PACSIN1: variants seen among roughly 807,000 people sequenced by gnomAD.
PACSIN1 encodes the protein protein kinase C and casein kinase substrate in neurons protein 1.
A neutral mutation model predicts 59.5 loss-of-function variants in PACSIN1; 15 were observed. The ratio of observed to expected loss-of-function variants is 0.25; its 90% CI spans 0.17 to 0.39. The LOEUF (loss-of-function observed/expected upper bound fraction) is 0.39, where lower values mean the gene tolerates loss of function less well. Among genes scored for constraint, PACSIN1 ranks in the 10% least tolerant of loss-of-function variants. The pLI is 1.00. For missense variants in PACSIN1, 420 were observed against 580.2 expected, an observed-to-expected ratio of 0.72 and a Z score of 2.84; for synonymous variants, 210 against 220.6, an observed-to-expected ratio of 0.95 and a Z score of 0.42.
rs1343090271 is a variant in PACSIN1 at position 34,527,315 on chromosome 6, C to T, written c.64-17C>T. ...GCTGGGAACCCGCGGGAGTGGTGCT[C>T]GCTGCTTGGCCGCCAGGTGGGGAAC... On this transcript the variant is annotated splice_polypyrimidine_tract_variant and intron_variant, in intron 2 of 9. Coordinates refer to ENST00000244458, the MANE Select transcript of PACSIN1 (RefSeq NM_020804.5). 2.6e-6 allele frequency: 4 copies of T among 1,536,404 alleles called. No individual in the cohort carries two copies. In the African/African-American group the frequency reaches 4.2e-5, roughly 16 times the overall value.
At chr6:34,513,211 G>C (rs1420049035) in intron 1 of PACSIN1, among the ~76,000 whole-genome samples, 1 of 152,230 alleles carries the variant, frequency 6.6e-6, no homozygotes, top group Admixed American at 6.5e-5. Flanking sequence ...TCTAATACTG[G>C]AATGCTTCAT....
At chr6:34,483,302 G>A (rs564517787) in intron 1 of PACSIN1, among the ~76,000 whole-genome samples, 1 of 152,218 alleles carries the variant, frequency 6.6e-6, no homozygotes, top group East Asian at 1.9e-4. Flanking sequence ...CACCACGCCC[G>A]GCCCAGACTT....
At chr6:34,517,889 C>A (rs1245751081) in intron 1 of PACSIN1, among the ~76,000 whole-genome samples, 1 of 152,210 alleles carries the variant, frequency 6.6e-6, no homozygotes, top group East Asian at 1.9e-4. Context: ...TTGTTCACTG[C>A]TGTAGCCCAG....
At chr6:34,479,819 A>T (rs543109848) in intron 1 of PACSIN1, among the ~76,000 whole-genome samples, 2 of 149,864 alleles carry the variant, frequency 1.3e-5, no homozygotes, top group Non-Finnish European at 3.0e-5. Context: ...TTTTATTTTT[A>T]ATTTTATTAT....
intron 1 of PACSIN1, among the ~76,000 whole-genome samples, chr6:34,483,590 C>A (rs1004601264): frequency 5.4e-5 from 8 of 148,058 alleles, no homozygotes; most frequent in African/African-American, 2.0e-4. Context: ...TGGTTTCTGG[C>A]GCCTGGCTCT....
Position 34,528,717 on chromosome 6 carries a change from A to C in PACSIN1, c.296A>C (p.Gln99Pro). 6.2e-7 allele frequency: 1 copy of C among 1,614,126 alleles called. No individual in the cohort carries two copies. The highest frequency in any genetic ancestry group is 8.5e-7 in the Non-Finnish European group (1 of 1,180,020). ...TEADKVSELHQEVKNNLLNED... is the reference protein window; with the variant it reads ...TEADKVSELHPEVKNNLLNED... The stretch of plus-strand genomic sequence containing the variant: ...GCAGACAAGGTGAGCGAGCTGCACC[A>C]GGAGGTGAAGAACAATCTGCTGAAT... The change falls in exon 4 of 10, where the codon CAG becomes CCG. Residue 99 changes from glutamine (Q) to proline (P), a missense_variant. Coordinates refer to ENST00000244458, the MANE Select transcript of PACSIN1 (RefSeq NM_020804.5).
intron 1 of PACSIN1, among the ~76,000 whole-genome samples, chr6:34,493,838 A>T (rs898263127): frequency 5.3e-5 from 8 of 152,208 alleles, no homozygotes; most frequent in Admixed American, 4.6e-4. Flanking sequence ...GATTCCAGCT[A>T]TCAGATGTGG....
intron 1 of PACSIN1, among the ~76,000 whole-genome samples, chr6:34,503,470 C>T (rs950964089): frequency 9.9e-5 from 15 of 152,112 alleles, no homozygotes; most frequent in African/African-American, 3.1e-4. Flanking sequence ...TCGTCAGCAC[C>T]GTTAGCCACA....
intron 1 of PACSIN1, among the ~76,000 whole-genome samples, chr6:34,507,699 C>T (rs896803339): frequency 1.3e-5 from 2 of 152,190 alleles, no homozygotes; most frequent in Non-Finnish European, 2.9e-5. Context: ...CGAATAGCAG[C>T]TCCCCATTTC....
chr6:34,510,534 C>T (rs1767185199), intron 1 of PACSIN1, among the ~76,000 whole-genome samples: 1 of 152,200 alleles, frequency 6.6e-6, no homozygotes, highest in Non-Finnish European at 1.5e-5. Flanking sequence ...TCAATGCGCT[C>T]AGCTTACTCC....
At chr6:34,511,337 G>A (rs2127263889) in intron 1 of PACSIN1, among the ~76,000 whole-genome samples, 1 of 152,316 alleles carries the variant, frequency 6.6e-6, no homozygotes, top group Non-Finnish European at 1.5e-5. Context: ...GATGTGGGAA[G>A]TCTGGGGTGG....
intron 1 of PACSIN1, among the ~76,000 whole-genome samples, chr6:34,522,059 G>A (rs192678097): frequency 1.3e-5 from 2 of 152,336 alleles, no homozygotes; most frequent in African/African-American, 4.8e-5. Flanking sequence ...AAGAAAAAGA[G>A]GAAGCCCCTC....
intron 1 of PACSIN1, among the ~76,000 whole-genome samples, chr6:34,485,831 G>A (rs1359324153): frequency 6.6e-6 from 1 of 152,188 alleles, no homozygotes; most frequent in Non-Finnish European, 1.5e-5. Flanking sequence ...TGCCAAGGAG[G>A]AGGATTGGAG....
chr6:34,502,912 T>C (rs985092838), intron 1 of PACSIN1, among the ~76,000 whole-genome samples: 1 of 152,138 alleles, frequency 6.6e-6, no homozygotes, highest in Non-Finnish European at 1.5e-5. Context: ...TAGGCAGCAA[T>C]AGACAACTGA....
rs539096027 is a variant in PACSIN1, at chr6:34,488,937, T to C, written c.-64+22667T>C. 1.3e-5 allele frequency among the ~76,000 whole-genome samples: 2 copies of C among 152,160 alleles called. No homozygotes were observed. Among genetic ancestry groups the C allele is most frequent in the African/African-American group, 4.8e-5 (2 of 41,538 alleles). On this transcript the variant is annotated intron_variant, in intron 1 of 9. Transcript: ENST00000244458. This position sits in a 1 kb window ranked among gnomAD's most constrained non-coding sequence, Gnocchi z 4.7. ...GGCTCACACCCGTAATCCTAATACT[T>C]TGGGAGGCCGAGGCAGGTGGATCAC...
chr6:34,528,874 G>A lies in PACSIN1; in HGVS notation c.453G>A (p.Lys151=), dbSNP rs371006157. ...KAQKPWAKKM[K]ELEAAKKAYH... is the part of the protein sequence containing the mutation. ...AGAAGCCTTGGGCCAAGAAGATGAA[G>A]GAGGTGCTCAGTGGGTGCTGCCACG... is the stretch of plus-strand genomic sequence containing the variant. The change falls in exon 4 of 10, where the codon AAG becomes AAA. Residue 151 remains lysine, a synonymous_variant. Coordinates refer to ENST00000244458, the MANE Select transcript of PACSIN1 (RefSeq NM_020804.5). The A allele has an allele frequency of 4.4e-6, 7 of 1,608,544 alleles. No homozygotes were observed. Among genetic ancestry groups the A allele is most frequent in the Non-Finnish European group, 5.1e-6 (6 of 1,177,348 alleles).
chr6:34,513,037 G>A (rs1307246380), intron 1 of PACSIN1, among the ~76,000 whole-genome samples: 1 of 152,138 alleles, frequency 6.6e-6, no homozygotes, highest in Non-Finnish European at 1.5e-5. Context: ...GAACCCACTA[G>A]CTCATCATCT....
intron 1 of PACSIN1, among the ~76,000 whole-genome samples, chr6:34,506,263 G>A (rs1287466745): frequency 6.6e-6 from 1 of 152,090 alleles, no homozygotes; most frequent in Non-Finnish European, 1.5e-5. Context: ...TGTTGCCCAG[G>A]CTGGAGTGCA....
intron 1 of PACSIN1, among the ~76,000 whole-genome samples, chr6:34,472,399 A>G (rs1766584595): frequency 6.7e-6 from 1 of 148,270 alleles, no homozygotes; most frequent in African/African-American, 2.5e-5. Context: ...CCTGATTGTG[A>G]TTAGAGCTTG....
Sources: gnomAD v4.1 joint callset for allele counts (sites outside exome capture counted in the v4.1 genomes callset) on GRCh38, gnomAD v4.1.1 for gene constraint, Gnocchi (gnomAD v3.1) non-coding constraint, MANE v1.5 for transcripts, NCBI Gene and HGNC (gene_info 2026-07-23, HGNC 2026-07-21) for gene names.